The following CMTM8 variants were observed in gnomAD, a reference collection of about 807,000 sequenced individuals.
CMTM8 encodes the protein CKLF like MARVEL transmembrane domain containing 8, also known as CKLF-like MARVEL transmembrane domain-containing protein 8.
In CMTM8, 12 loss-of-function variants were observed where a neutral mutation model predicts 18.6. That is an observed-to-expected ratio of 0.65 (90% CI 0.41 to 1.05). The LOEUF (loss-of-function observed/expected upper bound fraction) is 1.05, where lower values mean the gene tolerates loss of function less well. Ranked by LOEUF, CMTM8 falls within the 50% of genes least tolerant of loss-of-function variation. The pLI, the probability that CMTM8 is intolerant of heterozygous loss-of-function variation, is 0.00. For synonymous variants in CMTM8, 87 were observed against 90.6 expected (o/e 0.96, Z 0.23); for missense variants, 217 against 227.2 (o/e 0.95, Z 0.29).
intron 1 of CMTM8, among the ~76,000 whole-genome samples, chr3:32,322,087 T>C (rs9859354): frequency 0.8 from 121,318 of 152,146 alleles, 49,555 homozygotes; most frequent in East Asian, 1. Context: ...AATTCCCTTC[T>C]CATGGGAGTC....
At chr3:32,342,614 C>T (rs1326171409) in intron 1 of CMTM8, among the ~76,000 whole-genome samples, 3 of 152,172 alleles carry the variant, frequency 2.0e-5, no homozygotes, top group Non-Finnish European at 4.4e-5. Context: ...CTTAGCCTGA[C>T]ATCGTGTTGG....
intron 2 of CMTM8, among the ~76,000 whole-genome samples, chr3:32,364,295 G>A (rs1351018462): frequency 1.3e-5 from 2 of 152,190 alleles, no homozygotes; most frequent in African/African-American, 2.4e-5. Flanking sequence ...ATGAAGTCAG[G>A]AGATCGAGAC....
At chr3:32,343,916 G>T (rs1299000927) in intron 1 of CMTM8, among the ~76,000 whole-genome samples, 2 of 152,152 alleles carry the variant, frequency 1.3e-5, no homozygotes, top group African/African-American at 4.8e-5. Flanking sequence ...GGCCAGGCTG[G>T]TCTCAAACTC....
chr3:32,292,357 C>A (rs1559371545), intron 1 of CMTM8, among the ~76,000 whole-genome samples: 1 of 152,174 alleles, frequency 6.6e-6, no homozygotes, highest in Non-Finnish European at 1.5e-5. Flanking sequence ...GACAAGGACA[C>A]TTTGTGAGTT....
intron 1 of CMTM8, among the ~76,000 whole-genome samples, chr3:32,330,313 C>T (rs913452965): frequency 6.6e-6 from 1 of 150,772 alleles, no homozygotes; most frequent in Non-Finnish European, 1.5e-5. Flanking sequence ...AGCCACAGGC[C>T]CCATGCTTCC....
intron 1 of CMTM8, among the ~76,000 whole-genome samples, chr3:32,343,692 GTTTGTT>G (rs1327202106): frequency 6.6e-6 from 1 of 151,554 alleles, no homozygotes; most frequent in South Asian, 2.1e-4. Flanking sequence ...ACCTCAGGTG[GTTTGTT>G]TTTGTTTTTG....
chr3:32,277,085 C>T (rs927091058), intron 1 of CMTM8, among the ~76,000 whole-genome samples: 4 of 151,852 alleles, frequency 2.6e-5, no homozygotes, highest in Non-Finnish European at 5.9e-5. Context: ...TGGGGTCTCA[C>T]CATGTTGCCC....
intron 1 of CMTM8, among the ~76,000 whole-genome samples, chr3:32,268,261 G>A (rs9713256): frequency 7.2e-5 from 11 of 152,194 alleles, no homozygotes; most frequent in African/African-American, 2.4e-4. Flanking sequence ...ATACTATGCA[G>A]CTATAAAAAA....
At chr3:32,368,968 G>A (rs1024100569) in intron 3 of CMTM8, among the ~76,000 whole-genome samples, 4 of 152,060 alleles carry the variant, frequency 2.6e-5, no homozygotes, top group Non-Finnish European at 5.9e-5. Flanking sequence ...TGGTACATGG[G>A]GGTTCATCAT....
chr3:32,289,029 C>T (rs1702734078), intron 1 of CMTM8, among the ~76,000 whole-genome samples: 1 of 152,088 alleles, frequency 6.6e-6, no homozygotes, highest in South Asian at 2.1e-4. Context: ...GTCACAAAAT[C>T]AGCTGCATAC....
chr3:32,320,995 C>G (rs1368398475), intron 1 of CMTM8, among the ~76,000 whole-genome samples: 1 of 152,148 alleles, frequency 6.6e-6, no homozygotes, highest in African/African-American at 2.4e-5. Context: ...CTTTGTACTT[C>G]ATAGGCAACA....
In CMTM8 at chr3:32,358,878, A is replaced by G. The variant is rs1329860798; in HGVS notation, c.321+1332A>G. On this transcript the variant is annotated intron_variant, in intron 2 of 3. Coordinates refer to ENST00000307526, the MANE Select transcript of CMTM8 (RefSeq NM_178868.5). This position sits in a 1 kb window ranked among gnomAD's most constrained non-coding sequence, Gnocchi z 4.1. The stretch of plus-strand genomic sequence containing the variant: ...AGGGAAAGACTCGCTTAGATGCTAG[A>G]TTCAAAAAAAGTTAGCACCTTGAAG... Among the ~76,000 whole-genome samples, 1 of 152,206 alleles carries G rather than the reference A, an allele frequency of 6.6e-6. No homozygotes were observed.
intron 1 of CMTM8, among the ~76,000 whole-genome samples, chr3:32,265,946 AT>A (rs1449178480): frequency 6.6e-6 from 1 of 152,270 alleles, no homozygotes; most frequent in African/African-American, 2.4e-5. Context: ...AGGCTCTGAA[AT>A]TGAGGCAATA....
At chr3:32,343,412 G>A (rs960576747) in intron 1 of CMTM8, among the ~76,000 whole-genome samples, 13 of 152,166 alleles carry the variant, frequency 8.5e-5, no homozygotes, top group South Asian at 2.1e-4. Context: ...CATGTGTCAA[G>A]TCAAGACCTG....
chr3:32,369,858 CTTCTATTATGCTTTGTT>C lies in CMTM8; in HGVS notation c.439-21_439-5del, dbSNP rs2125607578. The C allele has an allele frequency of 6.5e-7, 1 of 1,539,722 alleles. No homozygotes were observed. The highest frequency in any genetic ancestry group is 1.7e-5 in the Admixed American group (1 of 58,808). On this transcript the variant is annotated splice_polypyrimidine_tract_variant and intron_variant, in intron 3 of 3. Transcript: ENST00000307526. ...TAATTAGGATGTGCCCTAAACCCCA[CTTCTATTATGCTTTGTT>C]TTCTCCAGTTCTTTGCCTTCCTGGT...
At chr3:32,276,443 T>C (rs932333712) in intron 1 of CMTM8, among the ~76,000 whole-genome samples, 3 of 152,194 alleles carry the variant, frequency 2.0e-5, no homozygotes, top group Admixed American at 1.3e-4. Flanking sequence ...CTTGAGAGGA[T>C]AGCAAGTGGT....
At chr3:32,336,335 C>A (rs959094790) in intron 1 of CMTM8, among the ~76,000 whole-genome samples, 5 of 152,184 alleles carry the variant, frequency 3.3e-5, no homozygotes, top group African/African-American at 7.2e-5. Flanking sequence ...GTGGAGTCGG[C>A]ACAAATCAAG....
chr3:32,346,358 A>C (rs1359814446), intron 1 of CMTM8, among the ~76,000 whole-genome samples: 1 of 152,192 alleles, frequency 6.6e-6, no homozygotes, highest in African/African-American at 2.4e-5. Flanking sequence ...ATTCAATTCT[A>C]CATGTTAACT....
chr3:32,356,345 T>A (rs1696813277), intron 1 of CMTM8, among the ~76,000 whole-genome samples: 1 of 152,176 alleles, frequency 6.6e-6, no homozygotes. Context: ...TCTCAACTTT[T>A]TTGTGACTTA....
Sources: gnomAD v4.1 joint callset for allele counts (sites outside exome capture counted in the v4.1 genomes callset) on GRCh38, gnomAD v4.1.1 for gene constraint, Gnocchi (gnomAD v3.1) non-coding constraint, MANE v1.5 for transcripts, NCBI Gene and HGNC (gene_info 2026-07-23, HGNC 2026-07-21) for gene names.